The following KCNC4 variants were observed in gnomAD, a reference collection of about 807,000 sequenced individuals.
KCNC4 encodes voltage-gated potassium channel KCNC4.
In KCNC4, 23 loss-of-function variants were observed where a neutral mutation model predicts 42.8. The ratio of observed to expected loss-of-function variants is 0.54; its 90% confidence interval spans 0.39 to 0.76. The LOEUF (loss-of-function observed/expected upper bound fraction) is 0.76. Among genes scored for constraint, KCNC4 ranks in the 30% least tolerant of loss-of-function variants. The probability of loss-of-function intolerance (pLI) is 0.00; values close to 1 mark genes in which losing one functional copy is unlikely to be tolerated. For synonymous variants in KCNC4, 422 were observed against 393.5 expected (o/e 1.07, Z -0.86); for missense variants, 751 against 898.2 (o/e 0.84, Z 2.10).
intron 1 of KCNC4, among the ~76,000 whole-genome samples, chr1:110,257,497 C>G (rs918469872): frequency 6.6e-6 from 1 of 151,342 alleles, no homozygotes. Context: ...GGGTGGATCA[C>G]GAGGTCAGGA....
chr1:110,256,987 CAAA>C (rs1261582338), intron 1 of KCNC4: 2 of 154,128 alleles, frequency 1.3e-5, no homozygotes, highest in Non-Finnish European at 2.9e-5. Context: ...GTTATTAACA[CAAA>C]GAAGCCAAAA....
chr1:110,228,216 C>T (rs558227219), intron 3 of KCNC4, among the ~76,000 whole-genome samples: 1 of 152,270 alleles, frequency 6.6e-6, no homozygotes, highest in South Asian at 2.1e-4. Context: ...TGTCAGTTCC[C>T]TGGGAGGATG....
At chr1:110,216,930 C>G (rs1361482139) in intron 1 of KCNC4, among the ~76,000 whole-genome samples, 1 of 152,186 alleles carries the variant, frequency 6.6e-6, no homozygotes, top group Non-Finnish European at 1.5e-5. Context: ...ATACCCTTGT[C>G]ACTTTGTCCC....
chr1:110,213,818 G>A (rs1214489456), intron 1 of KCNC4, among the ~76,000 whole-genome samples: 4 of 152,166 alleles, frequency 2.6e-5, no homozygotes, highest in Non-Finnish European at 5.9e-5. Context: ...AGGGGAGAGA[G>A]GGCAGGCACA....
chr1:110,280,077 G>A (rs552806698), intron 1 of KCNC4, among the ~76,000 whole-genome samples: 2 of 152,080 alleles, frequency 1.3e-5, no homozygotes, highest in South Asian at 2.1e-4. Flanking sequence ...CACCGCACCC[G>A]GCTGGAATGT....
intron 1 of KCNC4, among the ~76,000 whole-genome samples, chr1:110,271,793 G>T (rs563190359): frequency 1.3e-5 from 2 of 152,256 alleles, no homozygotes; most frequent in South Asian, 4.2e-4. Context: ...GGAGGAGACT[G>T]TCCCCATCGC....
At chr1:110,228,097 G>A (rs375916313) in intron 3 of KCNC4, among the ~76,000 whole-genome samples, 15 of 152,240 alleles carry the variant, frequency 9.9e-5, no homozygotes, top group South Asian at 4.1e-4. Flanking sequence ...ATGCACACTC[G>A]GCAACTTTCT....
At chr1:110,215,032 C>A (rs373001384) in intron 1 of KCNC4, among the ~76,000 whole-genome samples, 46 of 152,350 alleles carry the variant, frequency 3.0e-4, no homozygotes, top group African/African-American at 1.1e-3. Context: ...TGGAAGGGCC[C>A]GCAGCACTGT....
rs1658773635 is a variant in KCNC4, at chr1:110,232,941, A to G, written c.1850A>G (p.Tyr617Cys). ...ETCQDALSSNYAQAEVLTLS is the reference protein window; with the variant it reads ...ETCQDALSSNCAQAEVLTLS Reference sequence around the variant, plus strand: ...TGCCAAGACGCCCTCTCGTCCAACTATGCCCAGGCTGAAGTCCTCACCCTC... The same window carrying G: ...TGCCAAGACGCCCTCTCGTCCAACTGTGCCCAGGCTGAAGTCCTCACCCTC... Residue 617 changes from tyrosine to cysteine, a missense_variant, in exon 4 of 4, where the codon TAT (tyrosine) becomes TGT (cysteine). Physicochemically the swap from Tyr to Cys is radical, Grantham distance 194. Around this residue, in one of 4 missense-constraint regions of KCNC4, gnomAD observed 202 missense variants for 181.5 expected, o/e 1.11. Coordinates refer to ENST00000438661, the MANE Select transcript of KCNC4 (RefSeq NM_001039574.3). The G allele has an allele frequency of 1.2e-6, 2 of 1,612,144 alleles. No individual in the cohort carries two copies. Among genetic ancestry groups the G allele is most frequent in the Non-Finnish European group, 1.7e-6 (2 of 1,179,214 alleles).
Position 110,233,685 on chromosome 1 carries a change from CT to C in KCNC4, c.*714del, listed in dbSNP as rs1226975863. ...CTTTGTCTGTTTGTTGTCAAAGATG[CT>C]GCTGGGCAGACAGGCAGGGAAAGGA... On this transcript the variant is annotated 3_prime_UTR_variant, in exon 4 of 4. Coordinates refer to ENST00000438661, the MANE Select transcript of KCNC4 (RefSeq NM_001039574.3). 4.6e-5 allele frequency: 7 copies of C among 152,588 alleles called. No individual in the cohort carries two copies. Among genetic ancestry groups the C allele is most frequent in the African/African-American group, 1.7e-4 (7 of 41,464 alleles). 9.5% of individuals were successfully genotyped at this position (152,588 alleles called of 1,614,324 possible).
Position 110,210,906 on chromosome 1 carries a change from T to TGCCGCC in KCNC4, c.-584_-579dup, listed in dbSNP as rs371851393. ...TTATGAATGGGGGGAAGAGGCCACA[T>TGCCGCC]GCCGCCGCCGCCGCCTCGTGTTGAC... is the stretch of plus-strand genomic sequence containing the variant. On this transcript the variant is annotated 5_prime_UTR_variant, in exon 1 of 4. Transcript: ENST00000438661. 0.026 allele frequency among the ~76,000 whole-genome samples: 3,986 copies of TGCCGCC among 152,154 alleles called. 162 individuals carry two copies. Among genetic ancestry groups the TGCCGCC allele is most frequent in the African/African-American group, 0.089 (3,707 of 41,526 alleles).
chr1:110,215,474 A>G (rs369085525), intron 1 of KCNC4, among the ~76,000 whole-genome samples: 21 of 152,192 alleles, frequency 1.4e-4, no homozygotes, highest in African/African-American at 4.3e-4. Flanking sequence ...GAATGGGGCC[A>G]GGATGCCCTT....
Position 110,225,957 on chromosome 1 carries a change from T to C in KCNC4, c.1616-18T>C. 3.2e-6 allele frequency: 5 copies of C among 1,561,168 alleles called. No individual in the cohort carries two copies. Among genetic ancestry groups the C allele is most frequent in the Non-Finnish European group, 4.3e-6 (5 of 1,149,844 alleles). ...AGGTCGCCCCTCATGCAGCCTCCTT[T>C]CTGTGTGCCCCCTTCAGACTCTAAG... On this transcript the variant is annotated intron_variant, in intron 2 of 3. Transcript: ENST00000438661.
exon 4 of KCNC4, chr1:110,243,109 A>G (rs1315955763): frequency 6.6e-6 from 1 of 152,300 alleles, no homozygotes. Flanking sequence ...AGACCCAGGC[A>G]GTAAACAGTG....
In KCNC4 at chr1:110,223,908, T is replaced by G. The variant is rs1194393460; in HGVS notation, c.1615+8T>G. 1.9e-6 allele frequency: 3 copies of G among 1,575,138 alleles called. No individual in the cohort carries two copies. The highest frequency in any genetic ancestry group is 1.8e-5 in the Admixed American group (1 of 56,888). The stretch of plus-strand genomic sequence containing the variant: ...TCGAGAGGAAACGGGCAGGTGAGAT[T>G]AGGGGTTGGGAAGGAAAATCCCTTT... On this transcript the variant is annotated splice_region_variant and intron_variant, in intron 2 of 3. Coordinates refer to ENST00000438661, the MANE Select transcript of KCNC4 (RefSeq NM_001039574.3). This position sits in a 1 kb window ranked among gnomAD's most constrained non-coding sequence, Gnocchi z 7.5.
chr1:110,250,787 A>G (rs1391313306), downstream of KCNC4, among the ~76,000 whole-genome samples: 1 of 152,124 alleles, frequency 6.6e-6, no homozygotes, highest in Non-Finnish European at 1.5e-5. Context: ...GTCTGCTAGG[A>G]GAGGCCCTGG....
chr1:110,266,569 A>G (rs1215298889), intron 1 of KCNC4, among the ~76,000 whole-genome samples: 9 of 152,146 alleles, frequency 5.9e-5, no homozygotes, highest in African/African-American at 2.2e-4. Context: ...AGGTACTATT[A>G]CTATTCTCAT....
intron 1 of KCNC4, among the ~76,000 whole-genome samples, chr1:110,216,360 G>A (rs1657791285): frequency 6.6e-6 from 1 of 152,228 alleles, no homozygotes; most frequent in Admixed American, 6.5e-5. Context: ...GCCCGGGGCA[G>A]CCCCTCCACC....
chr1:110,211,809 G>C lies in KCNC4; in HGVS notation c.310G>C (p.Ala104Pro). The change falls in exon 1 of 4, where the codon GCC becomes CCC. Residue 104 changes from alanine to proline, a missense_variant. Around this residue, in one of 4 missense-constraint regions of KCNC4, gnomAD observed 183 missense variants for 255.8 expected, o/e 0.72. Coordinates refer to ENST00000438661, the MANE Select transcript of KCNC4 (RefSeq NM_001039574.3). This position sits in a 1 kb window ranked among gnomAD's most constrained non-coding sequence, Gnocchi z 6.5. ...FFFDRHPGVFAYVLNYYRTGK... is the reference protein window; with the variant it reads ...FFFDRHPGVFPYVLNYYRTGK... ...CTTCGACAGGCACCCGGGCGTCTTC[G>C]CCTACGTGCTCAACTACTACCGCAC... 1.2e-6 allele frequency: 2 copies of C among 1,611,468 alleles called. No homozygotes were observed. The highest frequency in any genetic ancestry group is 1.7e-6 in the Non-Finnish European group (2 of 1,179,792).
Sources: gnomAD v4.1 joint callset for allele counts (sites outside exome capture counted in the v4.1 genomes callset) on GRCh38, gnomAD v4.1.1 for gene constraint, gnomAD v4.1.1 regional missense constraint, Gnocchi (gnomAD v3.1) non-coding constraint, MANE v1.5 for transcripts, NCBI Gene and HGNC (gene_info 2026-07-23, HGNC 2026-07-21) for gene names.